Variants in DLGAP1 observed in about 807,000 individuals in gnomAD.
DLGAP1 encodes DLG associated protein 1, also known as disks large-associated protein 1.
DLGAP1 carries 11 observed loss-of-function variants against 90.8 expected under a neutral mutation model. The ratio of observed to expected loss-of-function variants is 0.12; its 90% CI spans 0.08 to 0.20. The LOEUF (loss-of-function observed/expected upper bound fraction) is 0.20, where lower values mean the gene tolerates loss of function less well. Ranked by LOEUF, DLGAP1 falls within the 10% of genes least tolerant of loss-of-function variation. DLGAP1 has a pLI of 1.00. For missense variants in DLGAP1, 1,050 were observed against 1,333.8 expected (o/e 0.79, Z 3.31); for synonymous variants, 558 against 540.7 (o/e 1.03, Z -0.44).
chr18:3,550,734 C>CTTT (rs1165404588), intron 9 of DLGAP1, among the ~76,000 whole-genome samples: 123 of 85,236 alleles, frequency 1.4e-3, no homozygotes, highest in East Asian at 2.5e-3. Flanking sequence ...GAACCAGACC[C>CTTT]TTTTTTTTTT....
chr18:3,671,968 G>C (rs2060101278), intron 7 of DLGAP1, among the ~76,000 whole-genome samples: 1 of 151,976 alleles, frequency 6.6e-6, no homozygotes, highest in Admixed American at 6.6e-5. Context: ...CATAATTCAT[G>C]TTATTTGTAT....
At chr18:3,835,682 T>TA (rs1233864757) in intron 4 of DLGAP1, among the ~76,000 whole-genome samples, 1 of 151,670 alleles carries the variant, frequency 6.6e-6, no homozygotes, top group Non-Finnish European at 1.5e-5. Context: ...TCCTCCTTTC[T>TA]AACATAAAAG....
chr18:4,127,061 G>A (rs1190088720), intron 2 of DLGAP1, among the ~76,000 whole-genome samples: 1 of 152,180 alleles, frequency 6.6e-6, no homozygotes, highest in East Asian at 1.9e-4. Flanking sequence ...TTATGACACT[G>A]TAATATCAGT....
At chr18:4,327,061 G>C (rs2080834258) in intron 1 of DLGAP1, among the ~76,000 whole-genome samples, 1 of 148,510 alleles carries the variant, frequency 6.7e-6, no homozygotes, top group Non-Finnish European at 1.5e-5. Context: ...GGGTGGGAAT[G>C]AAGGAATGAA....
chr18:3,881,741 G>A (rs1173834815), intron 3 of DLGAP1, among the ~76,000 whole-genome samples: 2 of 152,218 alleles, frequency 1.3e-5, no homozygotes, highest in Non-Finnish European at 2.9e-5. Context: ...GTGAAACCCC[G>A]TCTCTTCTAA....
intron 5 of DLGAP1, among the ~76,000 whole-genome samples, chr18:3,768,033 G>A (rs2064335641): frequency 1.3e-5 from 2 of 152,046 alleles, no homozygotes; most frequent in South Asian, 4.1e-4. Context: ...GTTTGCAGAT[G>A]ACATGATTGC....
rs1371922618 is a variant in DLGAP1, at chr18:4,454,916, C to T, written c.-267+90G>A. 1 of 150,798 alleles carries T rather than the reference C, an allele frequency of 6.6e-6. No individual in the cohort carries two copies. The highest frequency in any genetic ancestry group is 2.0e-4 in the East Asian group (1 of 5,112). The allele number at this position is 150,798 out of a possible 1,614,324, so 9.3% of individuals were successfully genotyped here. A position where few individuals can be genotyped will look rare whatever the true frequency, so the allele number is the denominator to read the frequency against. On this transcript the variant is annotated intron_variant, in intron 1 of 12. Transcript: ENST00000315677. This position sits in a 1 kb window ranked among gnomAD's most constrained non-coding sequence, Gnocchi z 4.7. The stretch of plus-strand genomic sequence containing the variant: ...CTCCGCGGGCGAGGGAAGCGGCGAC[C>T]GCGCGGCAGGCAGCAGCCAGGAGCC...
At chr18:3,918,763 C>A (rs531856943) in intron 3 of DLGAP1, among the ~76,000 whole-genome samples, 1 of 152,098 alleles carries the variant, frequency 6.6e-6, no homozygotes, top group African/African-American at 2.4e-5. Context: ...TGACGATAGA[C>A]CATAGATCTT....
At chr18:3,637,423 G>A (rs2058757452) in intron 7 of DLGAP1, among the ~76,000 whole-genome samples, 1 of 151,890 alleles carries the variant, frequency 6.6e-6, no homozygotes, top group Admixed American at 6.6e-5. Flanking sequence ...CTATATCTAC[G>A]ATTTTGCTCT....
intron 3 of DLGAP1, among the ~76,000 whole-genome samples, chr18:3,973,103 A>C (rs2073487675): frequency 6.6e-6 from 1 of 152,134 alleles, no homozygotes; most frequent in Admixed American, 6.6e-5. Context: ...CTATTAAGGT[A>C]TTATCATCTG....
chr18:4,408,302 C>G (rs1384353890), intron 1 of DLGAP1, among the ~76,000 whole-genome samples: 1 of 151,978 alleles, frequency 6.6e-6, no homozygotes, highest in Non-Finnish European at 1.5e-5. Context: ...AACAGAGGTA[C>G]TATGCCAGCC....
chr18:3,737,838 C>T (rs2062720023), intron 6 of DLGAP1, among the ~76,000 whole-genome samples: 1 of 149,258 alleles, frequency 6.7e-6, no homozygotes, highest in Admixed American at 6.7e-5. Context: ...CAAATTGTCC[C>T]TCTTTGCAGA....
At chr18:4,249,391 A>G (rs1305200122) in intron 1 of DLGAP1, among the ~76,000 whole-genome samples, 1 of 150,800 alleles carries the variant, frequency 6.6e-6, no homozygotes, top group Non-Finnish European at 1.5e-5. Flanking sequence ...ACCTGGCTAC[A>G]CGAGAGTACT....
At chr18:4,340,215 A>G (rs1357671733) in intron 1 of DLGAP1, among the ~76,000 whole-genome samples, 1 of 152,204 alleles carries the variant, frequency 6.6e-6, no homozygotes, top group Non-Finnish European at 1.5e-5. Flanking sequence ...GAACACAAGC[A>G]CTGTGGTATC....
chr18:3,537,033 CT>C (rs71366677), intron 9 of DLGAP1, among the ~76,000 whole-genome samples: 76 of 150,064 alleles, frequency 5.1e-4, no homozygotes, highest in African/African-American at 1.5e-3. Flanking sequence ...CCCTGTATGT[CT>C]TTTTTTTTTA....
At position 3,711,904 on chromosome 18, in the gene DLGAP1, G is replaced by T. The variant is rs1416242746; in HGVS notation, c.1591+17231C>A. Reference sequence around the variant, plus strand: ...AAATGCATCGGAGTATGAGGTTGTGGTTTAGGGATGGGGAGTGTGGGGATG... The same window carrying T: ...AAATGCATCGGAGTATGAGGTTGTGTTTTAGGGATGGGGAGTGTGGGGATG... On this transcript the variant is annotated intron_variant, in intron 7 of 12. Transcript: ENST00000315677. This position sits in a 1 kb window ranked among gnomAD's most constrained non-coding sequence, Gnocchi z 4.0. Among the ~76,000 whole-genome samples, 1 of 152,146 alleles carries T rather than the reference G, an allele frequency of 6.6e-6. No homozygotes were observed. The highest frequency in any genetic ancestry group is 1.5e-5 in the Non-Finnish European group (1 of 68,020).
chr18:3,668,886 G>C (rs571350429), intron 7 of DLGAP1, among the ~76,000 whole-genome samples: 31 of 152,086 alleles, frequency 2.0e-4, no homozygotes, highest in Non-Finnish European at 4.4e-4. Context: ...TTGGGAGGTT[G>C]AGGTAGGAGA....
intron 1 of DLGAP1, among the ~76,000 whole-genome samples, chr18:4,323,186 A>G (rs1433261064): frequency 6.6e-6 from 1 of 152,196 alleles, no homozygotes; most frequent in Non-Finnish European, 1.5e-5. Flanking sequence ...AGATATGTGA[A>G]GAAATGCTCA....
chr18:4,302,018 T>G (rs546683808), intron 1 of DLGAP1, among the ~76,000 whole-genome samples: 3 of 152,182 alleles, frequency 2.0e-5, no homozygotes, highest in Non-Finnish European at 4.4e-5. Context: ...TGTTTGAGTT[T>G]CTTATATATA....
Sources: allele counts gnomAD v4.1 joint callset (sites outside exome capture counted in the v4.1 genomes callset), GRCh38; gene constraint gnomAD v4.1.1; non-coding constraint Gnocchi (gnomAD v3.1); transcripts MANE v1.5; gene names NCBI Gene and HGNC (gene_info 2026-07-23, HGNC 2026-07-21).